Variants in EIF4G3 observed in about 807,000 individuals in gnomAD.
EIF4G3 encodes the protein eIF-4-gamma 3.
A neutral mutation model predicts 186.4 loss-of-function variants in EIF4G3; 34 were observed. That is an observed-to-expected ratio of 0.18 (90% confidence interval 0.14 to 0.24). EIF4G3 has a LOEUF of 0.24. Ranked by LOEUF, EIF4G3 falls within the 10% of genes least tolerant of loss-of-function variation. The probability of loss-of-function intolerance (pLI) is 1.00; values close to 1 mark genes in which losing one functional copy is unlikely to be tolerated. For synonymous variants in EIF4G3, 673 were observed against 679.5 expected, an observed-to-expected ratio of 0.99 and a Z score of 0.15; for missense variants, 1,536 against 1,948.5, an observed-to-expected ratio of 0.79 and a Z score of 3.99.
chr1:20,979,301 T>G (rs1194301625), intron 10 of EIF4G3, among the ~76,000 whole-genome samples: 2 of 152,200 alleles, frequency 1.3e-5, no homozygotes, highest in Non-Finnish European at 2.9e-5. Context: ...TCATTGGAAC[T>G]AATACCCAAA....
intron 2 of EIF4G3, among the ~76,000 whole-genome samples, chr1:21,130,430 T>C (rs970242666): frequency 1.3e-5 from 2 of 151,880 alleles, no homozygotes; most frequent in Admixed American, 1.3e-4. Flanking sequence ...GGTTTTGCCA[T>C]GTTGGCCAGG....
chr1:20,889,921 T>C (rs1324876907), intron 18 of EIF4G3, among the ~76,000 whole-genome samples: 2 of 152,208 alleles, frequency 1.3e-5, no homozygotes, highest in African/African-American at 4.8e-5. Flanking sequence ...TTTAAAATCA[T>C]TGGCATACAT....
intron 3 of EIF4G3, among the ~76,000 whole-genome samples, chr1:21,082,620 C>T (rs943228813): frequency 2.0e-5 from 3 of 151,760 alleles, no homozygotes; most frequent in East Asian, 1.9e-4. Flanking sequence ...AAGGGGAAAC[C>T]GGCAGGATGC....
chr1:20,882,975 G>A (rs1558063155), intron 19 of EIF4G3, among the ~76,000 whole-genome samples: 1 of 151,886 alleles, frequency 6.6e-6, no homozygotes, highest in Non-Finnish European at 1.5e-5. Flanking sequence ...CCAGATACTT[G>A]AGATGCTGAG....
At chr1:21,055,688 T>G (rs1486658430) in intron 3 of EIF4G3, among the ~76,000 whole-genome samples, 1 of 151,906 alleles carries the variant, frequency 6.6e-6, no homozygotes, top group African/African-American at 2.4e-5. Context: ...ATTAGGAACT[T>G]AAAGATATAT....
At chr1:21,143,521 G>A (rs2097377327) in intron 2 of EIF4G3, among the ~76,000 whole-genome samples, 1 of 151,980 alleles carries the variant, frequency 6.6e-6, no homozygotes, top group Non-Finnish European at 1.5e-5. Context: ...TAACCAAGGA[G>A]GTGTGCAACT....
chr1:20,904,383 T>C (rs1342012412), intron 15 of EIF4G3, among the ~76,000 whole-genome samples: 1 of 152,226 alleles, frequency 6.6e-6, no homozygotes, highest in Non-Finnish European at 1.5e-5. Context: ...TTTCACTGTG[T>C]TGCCCAGGCT....
At position 21,017,528 on chromosome 1, in the gene EIF4G3, T is replaced by C. The variant is rs563185191; in HGVS notation, c.-66-14720A>G. ...CTGTAGTTCCAGCTACTCGGGAGGCTGAGGCAGGAGAATGGCGTGAACCCA... is the reference window on the plus strand; with the variant it reads ...CTGTAGTTCCAGCTACTCGGGAGGCCGAGGCAGGAGAATGGCGTGAACCCA... On this transcript the variant is annotated intron_variant, in intron 4 of 36. Coordinates refer to ENST00000602326, the MANE Select transcript of EIF4G3 (RefSeq NM_001391906.1). Among the ~76,000 whole-genome samples the C allele has an allele frequency of 4.4e-3, 641 of 147,014 alleles. 3 individuals are homozygous for C. Among genetic ancestry groups the C allele is most frequent in the African/African-American group, 0.015 (578 of 39,616 alleles).
intron 2 of EIF4G3, among the ~76,000 whole-genome samples, chr1:21,173,775 C>G (rs1309024124): frequency 6.6e-6 from 1 of 152,196 alleles, no homozygotes; most frequent in Non-Finnish European, 1.5e-5. Context: ...GAGATCTATT[C>G]AAGCCATGAA....
chr1:20,874,670 G>T (rs935050811), intron 20 of EIF4G3, among the ~76,000 whole-genome samples: 2 of 151,788 alleles, frequency 1.3e-5, no homozygotes, highest in Non-Finnish European at 2.9e-5. Flanking sequence ...TTTTATCTTT[G>T]TATTTATTTA....
intron 14 of EIF4G3, among the ~76,000 whole-genome samples, chr1:20,930,162 T>C (rs959915040): frequency 2.0e-5 from 3 of 152,216 alleles, no homozygotes; most frequent in East Asian, 1.9e-4. Flanking sequence ...AATCTTTTTG[T>C]TGGTGGAGGT....
At chr1:20,990,681 A>C (rs570199877) in intron 7 of EIF4G3, among the ~76,000 whole-genome samples, 7 of 152,316 alleles carry the variant, frequency 4.6e-5, no homozygotes, top group Middle Eastern at 3.4e-3. Context: ...AAAAAAGAGA[A>C]AGTATTTAAT....
intron 14 of EIF4G3, among the ~76,000 whole-genome samples, chr1:20,930,528 G>C (rs974493935): frequency 3.9e-5 from 6 of 152,102 alleles, no homozygotes; most frequent in Non-Finnish European, 8.8e-5. Flanking sequence ...TTTATCATGA[G>C]ATTGCAGTAA....
intron 4 of EIF4G3, among the ~76,000 whole-genome samples, chr1:21,027,629 CAA>C (rs1309226830): frequency 1.3e-5 from 2 of 150,722 alleles, no homozygotes; most frequent in South Asian, 4.2e-4. Flanking sequence ...GACTCCATCT[CAA>C]AAAAAAGGAA....
chr1:21,049,078 GTC>G, intron 4 of EIF4G3, among the ~76,000 whole-genome samples: 1 of 152,318 alleles, frequency 6.6e-6, no homozygotes, highest in Non-Finnish European at 1.5e-5. Flanking sequence ...GTTTTGAATT[GTC>G]TGTGGGAAAC....
intron 3 of EIF4G3, chr1:21,073,577 C>A: frequency 2.2e-6 from 1 of 461,962 alleles, no homozygotes; most frequent in South Asian, 1.6e-5. Flanking sequence ...GGCATCTTCT[C>A]ACAGGAACTG....
intron 2 of EIF4G3, among the ~76,000 whole-genome samples, chr1:21,126,620 C>T (rs1572945788): frequency 6.6e-6 from 1 of 151,870 alleles, no homozygotes; most frequent in Admixed American, 6.6e-5. Flanking sequence ...CATGCCACTG[C>T]ATTCCTCCAA....
intron 12 of EIF4G3, among the ~76,000 whole-genome samples, chr1:20,959,921 A>C (rs1318970363): frequency 6.6e-6 from 1 of 152,144 alleles, no homozygotes; most frequent in Non-Finnish European, 1.5e-5. Context: ...GAATGCTTAT[A>C]TGCTGCTGGT....
chr1:21,021,524 C>T (rs193018563), intron 4 of EIF4G3, among the ~76,000 whole-genome samples: 49 of 152,110 alleles, frequency 3.2e-4, no homozygotes, highest in Non-Finnish European at 3.5e-4. Context: ...TAACAGTAAC[C>T]ATACTCTGAC....
Sources: allele counts gnomAD v4.1 joint callset (sites outside exome capture counted in the v4.1 genomes callset), GRCh38; gene constraint gnomAD v4.1.1; transcripts MANE v1.5; gene names NCBI Gene and HGNC (gene_info 2026-07-23, HGNC 2026-07-21).